GRM7: variants seen among roughly 807,000 people sequenced by gnomAD.
GRM7 encodes glutamate metabotropic receptor 7.
Under a neutral mutation model 84.5 loss-of-function variants are expected in GRM7, and 35 were observed. That is an observed-to-expected ratio of 0.41 (90% CI 0.32 to 0.55). The LOEUF (loss-of-function observed/expected upper bound fraction) is 0.55, where lower values mean the gene tolerates loss of function less well. Among genes scored for constraint, GRM7 ranks in the 20% least tolerant of loss-of-function variants. GRM7 has a pLI of 0.19. For synonymous variants in GRM7, 487 were observed against 455.1 expected (o/e 1.07, Z -0.89); for missense variants, 1,003 against 1,194.6 (o/e 0.84, Z 2.36).
At chr3:7,371,172 T>G (rs535076738) in intron 4 of GRM7, among the ~76,000 whole-genome samples, 6 of 152,080 alleles carry the variant, frequency 3.9e-5, no homozygotes, top group African/African-American at 4.8e-5. Flanking sequence ...TAAAAAAACA[T>G]AGATTGCAGA....
At chr3:7,161,259 C>T (rs1694615102) in intron 2 of GRM7, among the ~76,000 whole-genome samples, 1 of 151,898 alleles carries the variant, frequency 6.6e-6, no homozygotes, top group African/African-American at 2.4e-5. Context: ...CCACGGTTCC[C>T]TTAATCTCTA....
At chr3:6,907,158 G>C (rs756289507) in intron 1 of GRM7, among the ~76,000 whole-genome samples, 1 of 152,122 alleles carries the variant, frequency 6.6e-6, no homozygotes, top group Non-Finnish European at 1.5e-5. Flanking sequence ...ACCCACCTCA[G>C]CCTTTCAATG....
At chr3:7,279,638 G>A (rs1364592302) in intron 2 of GRM7, among the ~76,000 whole-genome samples, 1 of 152,176 alleles carries the variant, frequency 6.6e-6, no homozygotes, top group African/African-American at 2.4e-5. Flanking sequence ...ACACCAAACA[G>A]CCCTACAATA....
At chr3:7,333,442 C>A (rs1273530022) in intron 4 of GRM7, among the ~76,000 whole-genome samples, 2 of 152,308 alleles carry the variant, frequency 1.3e-5, no homozygotes, top group African/African-American at 2.4e-5. Context: ...AGGAGGAAAG[C>A]ACCACATCGA....
intron 1 of GRM7, among the ~76,000 whole-genome samples, chr3:7,109,703 A>G (rs747721624): frequency 1.6e-4 from 24 of 152,174 alleles, no homozygotes; most frequent in Admixed American, 5.9e-4. Flanking sequence ...AAAAGATGAT[A>G]TCAAATGAAT....
intron 1 of GRM7, among the ~76,000 whole-genome samples, chr3:7,013,033 C>A (rs778447369): frequency 1.3e-5 from 2 of 151,948 alleles, no homozygotes; most frequent in Non-Finnish European, 2.9e-5. Flanking sequence ...AGCAATGGCA[C>A]CTGACCTTCC....
intron 8 of GRM7, among the ~76,000 whole-genome samples, chr3:7,637,681 G>C (rs564119154): frequency 1.4e-4 from 21 of 152,324 alleles, no homozygotes; most frequent in African/African-American, 5.1e-4. Context: ...ACACGCTCAT[G>C]GCAGACCACT....
chr3:7,551,647 C>T (rs906177481), intron 7 of GRM7, among the ~76,000 whole-genome samples: 6 of 151,294 alleles, frequency 4.0e-5, no homozygotes, highest in African/African-American at 1.2e-4. Context: ...TATGACAATG[C>T]TTCTGCCTAG....
At chr3:7,598,392 A>T (rs1001100410) in intron 8 of GRM7, among the ~76,000 whole-genome samples, 1 of 152,166 alleles carries the variant, frequency 6.6e-6, no homozygotes, top group African/African-American at 2.4e-5. Flanking sequence ...GTGAACGCTG[A>T]CACCAACAAC....
At chr3:6,990,955 G>A (rs1463295306) in intron 1 of GRM7, among the ~76,000 whole-genome samples, 1 of 152,088 alleles carries the variant, frequency 6.6e-6, no homozygotes, top group Admixed American at 6.6e-5. Context: ...TATAGTCCCA[G>A]CGCTTTGAGA....
At chr3:7,268,868 T>A (rs1698744328) in intron 2 of GRM7, among the ~76,000 whole-genome samples, 1 of 152,184 alleles carries the variant, frequency 6.6e-6, no homozygotes, top group African/African-American at 2.4e-5. Flanking sequence ...GCTGTTTTGG[T>A]TTGATTTGGT....
chr3:7,264,985 G>A (rs1397630899), intron 2 of GRM7, among the ~76,000 whole-genome samples: 1 of 152,162 alleles, frequency 6.6e-6, no homozygotes, highest in Non-Finnish European at 1.5e-5. Context: ...CTCAATAAAG[G>A]TTGTATTTAC....
chr3:7,127,841 A>ATT (rs1243759521), intron 1 of GRM7, among the ~76,000 whole-genome samples: 1 of 152,088 alleles, frequency 6.6e-6, no homozygotes, highest in Non-Finnish European at 1.5e-5. Context: ...AATTTGGAAA[A>ATT]TTTTAAGAGA....
At chr3:7,464,496 G>A (rs961443137) in intron 7 of GRM7, among the ~76,000 whole-genome samples, 8 of 152,018 alleles carry the variant, frequency 5.3e-5, no homozygotes, top group African/African-American at 1.9e-4. Context: ...AGAGATAAGA[G>A]AAGAGCAGAG....
chr3:7,178,589 C>T lies in GRM7; in HGVS notation c.736+31921C>T, dbSNP rs1394782232. On this transcript the variant is annotated intron_variant, in intron 2 of 9. Transcript: ENST00000357716. ...GAATGTGATGGCTAGATTCAAGAGT[C>T]GACCCATAAAGCAGAAATTGAACAT... 6.6e-5 allele frequency among the ~76,000 whole-genome samples: 10 copies of T among 152,014 alleles called. No individual in the cohort carries two copies. In the East Asian group the frequency reaches 7.7e-4, roughly 12 times the overall value.
intron 8 of GRM7, among the ~76,000 whole-genome samples, chr3:7,628,078 C>G (rs565656886): frequency 3.9e-5 from 6 of 152,206 alleles, no homozygotes; most frequent in South Asian, 2.1e-4. Flanking sequence ...AATAATTTAC[C>G]ATTTACTTTG....
chr3:6,947,032 A>C (rs149959494), intron 1 of GRM7, among the ~76,000 whole-genome samples: 13,757 of 152,128 alleles, frequency 0.09, 638 homozygotes, highest in Middle Eastern at 0.11. Flanking sequence ...TTCCTAATTG[A>C]ATGCCCTTTA....
chr3:7,485,947 G>T (rs1699303285), intron 7 of GRM7, among the ~76,000 whole-genome samples: 1 of 152,158 alleles, frequency 6.6e-6, no homozygotes, highest in Admixed American at 6.5e-5. Context: ...GACAGAAGCT[G>T]TAACTTAAGG....
intron 9 of GRM7, among the ~76,000 whole-genome samples, chr3:7,696,764 A>G (rs1205439378): frequency 6.6e-6 from 1 of 152,198 alleles, no homozygotes; most frequent in Non-Finnish European, 1.5e-5. Context: ...AAAAAACAGT[A>G]CAGGCAAAGG....
Sources: gnomAD v4.1 joint callset for allele counts (sites outside exome capture counted in the v4.1 genomes callset) on GRCh38, gnomAD v4.1.1 for gene constraint, MANE v1.5 for transcripts, NCBI Gene and HGNC (gene_info 2026-07-23, HGNC 2026-07-21) for gene names.